SEPSECS: variants seen among roughly 807,000 people sequenced by gnomAD.
The protein encoded by SEPSECS is Sep (O-phosphoserine) tRNA:Sec (selenocysteine) tRNA synthase.
A neutral mutation model predicts 52.1 loss-of-function variants in SEPSECS; 42 were observed. The ratio of observed to expected loss-of-function variants is 0.81; its 90% CI spans 0.63 to 1.04. The LOEUF (loss-of-function observed/expected upper bound fraction) is 1.04, where lower values mean the gene tolerates loss of function less well. SEPSECS is among the 50% of genes least tolerant of loss of function. The pLI, the probability that SEPSECS is intolerant of heterozygous loss-of-function variation, is 0.00. For missense variants in SEPSECS, 590 were observed against 610.6 expected (o/e 0.97, Z 0.36); for synonymous variants, 216 against 211.4 (o/e 1.02, Z -0.19).
At chr4:25,157,652 C>T (rs1001632832) in intron 2 of SEPSECS, among the ~76,000 whole-genome samples, 2 of 151,250 alleles carry the variant, frequency 1.3e-5, no homozygotes, top group East Asian at 3.9e-4. Context: ...TCCCGCCATT[C>T]TCCTGCCTCA....
intron 1 of SEPSECS, 36 bp downstream of exon 1, chr4:25,160,220 T>C (rs750390434): frequency 6.5e-7 from 1 of 1,547,038 alleles, no homozygotes; most frequent in East Asian, 2.4e-5. Flanking sequence ...AGCCCCGGGG[T>C]CGCGGCGGCT....
intron 5 of SEPSECS, among the ~76,000 whole-genome samples, chr4:25,152,370 A>C (rs1217533185): frequency 6.6e-6 from 1 of 152,058 alleles, no homozygotes; most frequent in African/African-American, 2.4e-5. Flanking sequence ...GAAAGCCAGA[A>C]GATTATTTAT....
chr4:25,126,148 A>C (rs554076676), intron 9 of SEPSECS, among the ~76,000 whole-genome samples: 1 of 152,276 alleles, frequency 6.6e-6, no homozygotes, highest in African/African-American at 2.4e-5. Flanking sequence ...TATAAAACTA[A>C]GTAAGATCAA....
chr4:25,129,638 G>A (rs1411708909), intron 8 of SEPSECS, among the ~76,000 whole-genome samples: 7 of 151,768 alleles, frequency 4.6e-5, no homozygotes, highest in Admixed American at 6.6e-5. Context: ...TGATCCACCC[G>A]CCTCGGCCTC....
chr4:25,160,508 C>CA (rs536637971), upstream of SEPSECS: 4,547 of 668,080 alleles, frequency 6.8e-3, 97 homozygotes, highest in African/African-American at 0.062. Context: ...CAAAACAAAA[C>CA]AAAAAAAACA....
At chr4:25,130,561 A>T (rs916666389) in intron 8 of SEPSECS, among the ~76,000 whole-genome samples, 5 of 152,312 alleles carry the variant, frequency 3.3e-5, no homozygotes, top group Non-Finnish European at 5.9e-5. Context: ...AATTAGATTT[A>T]AAAAAATTTG....
intron 6 of SEPSECS, among the ~76,000 whole-genome samples, chr4:25,147,415 T>C (rs1281837268): frequency 6.6e-6 from 1 of 152,248 alleles, no homozygotes; most frequent in African/African-American, 2.4e-5. Flanking sequence ...AAGTATTTGT[T>C]GAATGAAGTG....
chr4:25,133,513 C>T (rs1262074613), intron 8 of SEPSECS, among the ~76,000 whole-genome samples: 1 of 152,158 alleles, frequency 6.6e-6, no homozygotes, highest in African/African-American at 2.4e-5. Context: ...GCAAAATGTA[C>T]ACATGCATGG....
intron 8 of SEPSECS, among the ~76,000 whole-genome samples, chr4:25,138,398 T>C (rs973473268): frequency 6.6e-6 from 1 of 151,974 alleles, no homozygotes; most frequent in Non-Finnish European, 1.5e-5. Context: ...GGCAGGAGAA[T>C]GGCTTGAGTC....
chr4:25,153,420 T>A (rs1712427858), intron 5 of SEPSECS, among the ~76,000 whole-genome samples: 1 of 151,612 alleles, frequency 6.6e-6, no homozygotes, highest in Non-Finnish European at 1.5e-5. Flanking sequence ...CTAAATCTGT[T>A]AATGGTTAGG....
Position 25,123,174 on chromosome 4 carries a change from T to G in SEPSECS, c.*757A>C, listed in dbSNP as rs1247770285. 6.6e-6 allele frequency: 1 copy of G among 152,290 alleles called. No individual in the cohort carries two copies. Among genetic ancestry groups the G allele is most frequent in the African/African-American group, 2.4e-5 (1 of 41,466 alleles). The allele number at this position is 152,290 out of a possible 1,614,324, so 9.4% of individuals were successfully genotyped here. A position where few individuals can be genotyped will look rare whatever the true frequency, so the allele number is the denominator to read the frequency against. On this transcript the variant is annotated 3_prime_UTR_variant, in exon 11 of 11. Transcript: ENST00000382103. ...ACAGCTATCTTCTTTGAAGTACTAC[T>G]GAAAGTTGCTATGGTAAACTTCTCT...
intron 4 of SEPSECS, among the ~76,000 whole-genome samples, chr4:25,155,653 C>T (rs1560335749): frequency 6.6e-6 from 1 of 152,072 alleles, no homozygotes; most frequent in Admixed American, 6.5e-5. Context: ...TAAAGAAAAA[C>T]ATAATAAATT....
Position 25,159,034 on chromosome 4 carries a change from C to T in SEPSECS, c.188G>A (p.Ser63Asn). Residue 63 changes from serine (S) to asparagine (N), a missense_variant, in exon 2 of 11, where the codon AGC (serine) becomes AAC (asparagine). By Grantham distance (46) the Ser-to-Asn change is conservative (BLOSUM62 1). Transcript: ENST00000382103. ...ACCACAATTGCCTAAGAAATTGTTG[C>T]TGTCCATGATTGCAAGTTCATGTAA... is the stretch of plus-strand genomic sequence containing the variant. ...LFLHELAIMD[S>N]NNFLGNCGVG... The T allele has an allele frequency of 6.2e-7, 1 of 1,613,554 alleles. No individual in the cohort carries two copies. The highest frequency in any genetic ancestry group is 8.5e-7 in the Non-Finnish European group (1 of 1,179,704).
chr4:25,159,133 T>C (rs769260419), intron 1 of SEPSECS, 26 bp from the exon 2 acceptor site: 2 of 1,475,092 alleles, frequency 1.4e-6, no homozygotes, highest in Non-Finnish European at 1.8e-6. Context: ...AAACTTATGA[T>C]TATATTTAAT....
In SEPSECS at chr4:25,123,910, C is replaced by T; in HGVS notation, c.*21G>A. 6.2e-7 allele frequency: 1 copy of T among 1,601,124 alleles called. No individual in the cohort carries two copies. ...AGCCTTATCATTTCTTTCAAATGAT[C>T]AAGAAGAAACCCTTCGCATGTCATG... is the stretch of plus-strand genomic sequence containing the variant. On this transcript the variant is annotated 3_prime_UTR_variant, in exon 11 of 11. Coordinates refer to ENST00000382103, the MANE Select transcript of SEPSECS (RefSeq NM_016955.4).
rs1712682135 is a variant in SEPSECS, at chr4:25,156,782, A to T, written c.388+74T>A. 3.7e-6 allele frequency: 3 copies of T among 805,224 alleles called. No individual in the cohort carries two copies. The Admixed American group carries it at 5.1e-5, about 14-fold the overall frequency. The allele number at this position is 805,224 out of a possible 1,614,324, so 49.9% of individuals were successfully genotyped here. A position where few individuals can be genotyped will look rare whatever the true frequency, so the allele number is the denominator to read the frequency against. On this transcript the variant is annotated intron_variant, in intron 3 of 10. Transcript: ENST00000382103. ...CATACTCTTTTTGGAAAGGGGCAAT[A>T]ATAAATGAAATGAGTCAGTGGTGTG...
rs34542574 is a variant in SEPSECS, at chr4:25,156,707, C to CA, written c.388+148dup. The CA allele has an allele frequency of 0.17, 37,680 of 224,996 alleles. 5,669 individuals carry two copies. The highest frequency in any genetic ancestry group is 0.2 in the Non-Finnish European group (25,108 of 125,924). 13.9% of individuals were successfully genotyped at this position (224,996 alleles called of 1,614,324 possible). A position where few individuals can be genotyped will look rare whatever the true frequency, so the allele number is the denominator to read the frequency against. ...TGGGCAACAGAGCTAGACTCCGTCT[C>CA]AAAAAAAAAAAAAAAAAAAAAAAAA... On this transcript the variant is annotated intron_variant, in intron 3 of 10. Coordinates refer to ENST00000382103, the MANE Select transcript of SEPSECS (RefSeq NM_016955.4).
rs1157027285 is a variant in SEPSECS, at chr4:25,127,357, C to T, written c.1027G>A (p.Glu343Lys). ...TGGTTGGACAAATATGAAAACATTTCCTGCAACAACAAAATGTCACATTTA... is the reference window on the plus strand; with the variant it reads ...TGGTTGGACAAATATGAAAACATTTTCTGCAACAACAAAATGTCACATTTA... The part of the protein sequence containing the change: ...GYKKLLKERK[E>K]MFSYLSNQIK... Residue 343 changes from glutamate (E) to lysine (K), a missense_variant and splice_region_variant, in exon 9 of 11, where the codon GAA becomes AAA. Coordinates refer to ENST00000382103, the MANE Select transcript of SEPSECS (RefSeq NM_016955.4). The T allele has an allele frequency of 6.2e-7, 1 of 1,605,706 alleles. No homozygotes were observed. Among genetic ancestry groups the T allele is most frequent in the Admixed American group, 1.7e-5 (1 of 59,994 alleles).
intron 8 of SEPSECS, among the ~76,000 whole-genome samples, chr4:25,133,819 C>A: frequency 6.6e-6 from 1 of 151,226 alleles, no homozygotes. Context: ...TAGATTATTC[C>A]CTTAAAAAAA....
Sources: allele counts gnomAD v4.1 joint callset (sites outside exome capture counted in the v4.1 genomes callset), GRCh38; gene constraint gnomAD v4.1.1; transcripts MANE v1.5; gene names NCBI Gene and HGNC (gene_info 2026-07-23, HGNC 2026-07-21).